PCSK2: variants seen among roughly 807,000 people sequenced by gnomAD.
PCSK2 encodes proprotein convertase subtilisin/kexin type 2, also known as neuroendocrine convertase 2.
Under a neutral mutation model 69.7 loss-of-function variants are expected in PCSK2, and 14 were observed. The observed-to-expected ratio is 0.20, with a 90% CI of 0.13 to 0.31. The LOEUF (loss-of-function observed/expected upper bound fraction) is 0.31. Among genes scored for constraint, PCSK2 ranks in the 10% least tolerant of loss-of-function variants. The pLI, the probability that PCSK2 is intolerant of heterozygous loss-of-function variation, is 1.00. For missense variants in PCSK2, 544 were observed against 842.5 expected (o/e 0.65, Z 4.39); for synonymous variants, 307 against 320.7 (o/e 0.96, Z 0.46).
intron 2 of PCSK2, among the ~76,000 whole-genome samples, chr20:17,349,945 C>T (rs1303414325): frequency 6.6e-6 from 1 of 152,064 alleles, no homozygotes; most frequent in African/African-American, 2.4e-5. Flanking sequence ...ACTGTGCAGT[C>T]AAGGCTGGGG....
chr20:17,414,348 G>A (rs1439780930), intron 6 of PCSK2, among the ~76,000 whole-genome samples: 1 of 151,986 alleles, frequency 6.6e-6, no homozygotes, highest in Admixed American at 6.6e-5. Flanking sequence ...AATGATAAAG[G>A]GGATATCACC....
At chr20:17,422,164 G>T (rs965675972) in intron 6 of PCSK2, among the ~76,000 whole-genome samples, 1 of 152,094 alleles carries the variant, frequency 6.6e-6, no homozygotes, top group Non-Finnish European at 1.5e-5. Context: ...ATAAAATCTA[G>T]CCTGGATGCA....
At chr20:17,294,471 G>C (rs1463896240) in intron 2 of PCSK2, among the ~76,000 whole-genome samples, 1 of 152,000 alleles carries the variant, frequency 6.6e-6, no homozygotes, top group Middle Eastern at 3.2e-3. Context: ...TCCCTTTCTA[G>C]TCTTCTGCTG....
chr20:17,473,087 CTTTTTTTTTTT>C (rs10648323), intron 11 of PCSK2, among the ~76,000 whole-genome samples: 14 of 76,800 alleles, frequency 1.8e-4, no homozygotes, highest in Non-Finnish European at 3.0e-4. Flanking sequence ...AAGAAGAACT[CTTTTTTTTTTT>C]TTTTTTTTTT....
intron 1 of PCSK2, among the ~76,000 whole-genome samples, chr20:17,240,262 G>A (rs1191912869): frequency 6.6e-6 from 1 of 152,036 alleles, no homozygotes; most frequent in South Asian, 2.1e-4. Flanking sequence ...CTAACCAAGG[G>A]AATGGATACA....
intron 2 of PCSK2, among the ~76,000 whole-genome samples, chr20:17,261,235 C>T (rs150582749): frequency 7.2e-5 from 11 of 152,308 alleles, no homozygotes; most frequent in East Asian, 1.9e-4. Context: ...TTGAAGGCAG[C>T]GTAACCTCTT....
intron 2 of PCSK2, among the ~76,000 whole-genome samples, chr20:17,352,319 A>G (rs769267060): frequency 1.3e-5 from 2 of 152,218 alleles, no homozygotes; most frequent in Non-Finnish European, 2.9e-5. Context: ...CAAACTACCA[A>G]TGTTATTTTT....
intron 5 of PCSK2, among the ~76,000 whole-genome samples, chr20:17,378,791 C>T (rs1307626967): frequency 6.6e-6 from 1 of 152,118 alleles, no homozygotes; most frequent in African/African-American, 2.4e-5. Flanking sequence ...CACACCTGTT[C>T]AGAAAAAGTG....
intron 1 of PCSK2, among the ~76,000 whole-genome samples, chr20:17,254,713 G>A (rs1425424365): frequency 3.3e-5 from 5 of 152,030 alleles, no homozygotes; most frequent in Non-Finnish European, 7.4e-5. Context: ...TGAACTTTAG[G>A]ATAAGCAAAA....
At chr20:17,243,921 A>G (rs1262716849) in intron 1 of PCSK2, among the ~76,000 whole-genome samples, 1 of 152,232 alleles carries the variant, frequency 6.6e-6, no homozygotes, top group Non-Finnish European at 1.5e-5. Flanking sequence ...ACCACATGCA[A>G]CATGTGATCT....
At position 17,392,363 on chromosome 20, in the gene PCSK2, C is replaced by T. The variant is rs112944427; in HGVS notation, c.544-16900C>T. On this transcript the variant is annotated intron_variant, in intron 5 of 11. Transcript: ENST00000262545. ...GGCTTGAAAGAAGAATTAGTACATTCCAAAGCAGTGATTAGAAATCATCAT... is the reference window on the plus strand; with the variant it reads ...GGCTTGAAAGAAGAATTAGTACATTTCAAAGCAGTGATTAGAAATCATCAT... 2.1e-3 allele frequency among the ~76,000 whole-genome samples: 313 copies of T among 152,286 alleles called. 1 individual carries two copies. The highest frequency in any genetic ancestry group is 7.2e-3 in the African/African-American group (300 of 41,570).
chr20:17,341,971 A>AC (rs780329546), intron 2 of PCSK2, among the ~76,000 whole-genome samples: 9 of 152,220 alleles, frequency 5.9e-5, no homozygotes, highest in Non-Finnish European at 1.3e-4. Context: ...TTCAGTGAGA[A>AC]CCATGTGTTC....
At chr20:17,321,001 C>T (rs1322719059) in intron 2 of PCSK2, among the ~76,000 whole-genome samples, 1 of 152,178 alleles carries the variant, frequency 6.6e-6, no homozygotes, top group African/African-American at 2.4e-5. Context: ...TCAAACAGCC[C>T]TGTCGGTTAT....
chr20:17,414,731 A>G (rs2123313000), intron 6 of PCSK2, among the ~76,000 whole-genome samples: 1 of 152,328 alleles, frequency 6.6e-6, no homozygotes, highest in East Asian at 1.9e-4. Context: ...AGACACAACA[A>G]AAAAAGAGAA....
intron 2 of PCSK2, among the ~76,000 whole-genome samples, chr20:17,301,232 G>A (rs1053195291): frequency 7.2e-5 from 11 of 152,184 alleles, no homozygotes; most frequent in African/African-American, 2.7e-4. Flanking sequence ...GCTGGATGTG[G>A]ATGCCAAGAG....
At chr20:17,266,859 C>T (rs1361634573) in intron 2 of PCSK2, among the ~76,000 whole-genome samples, 1 of 152,102 alleles carries the variant, frequency 6.6e-6, no homozygotes, top group African/African-American at 2.4e-5. Context: ...AGGTAAATCA[C>T]GTCCTGCTAC....
At chr20:17,474,604 C>T (rs955961231) in intron 11 of PCSK2, among the ~76,000 whole-genome samples, 2 of 152,148 alleles carry the variant, frequency 1.3e-5, no homozygotes, top group African/African-American at 4.8e-5. Flanking sequence ...TAGTCTTAGT[C>T]GCTAAGGCCT....
chr20:17,324,000 T>C (rs998680411), intron 2 of PCSK2, among the ~76,000 whole-genome samples: 2 of 152,204 alleles, frequency 1.3e-5, no homozygotes, highest in African/African-American at 4.8e-5. Flanking sequence ...CAACCAATGA[T>C]TGATGGGAGT....
chr20:17,356,760 T>C (rs1414647516), intron 2 of PCSK2, among the ~76,000 whole-genome samples: 1 of 152,118 alleles, frequency 6.6e-6, no homozygotes, highest in East Asian at 1.9e-4. Flanking sequence ...TGCAGGAACA[T>C]AGTGAGGATC....
Sources: allele counts gnomAD v4.1 joint callset (sites outside exome capture counted in the v4.1 genomes callset), GRCh38; gene constraint gnomAD v4.1.1; transcripts MANE v1.5; gene names NCBI Gene and HGNC (gene_info 2026-07-23, HGNC 2026-07-21).